The following CREB3L1 variants were observed in gnomAD, a reference collection of about 807,000 sequenced individuals.
CREB3L1 encodes the protein cAMP responsive element binding protein 3 like 1, also known as cyclic AMP-responsive element-binding protein 3-like protein 1.
In CREB3L1, 33 loss-of-function variants were observed where a neutral mutation model predicts 54.5. The observed-to-expected ratio is 0.61, with a 90% CI of 0.46 to 0.81. The LOEUF (loss-of-function observed/expected upper bound fraction) is 0.81. CREB3L1 is among the 30% of genes least tolerant of loss of function. CREB3L1 has a pLI of 0.00. For synonymous variants in CREB3L1, 284 were observed against 286.4 expected (o/e 0.99, Z 0.08); for missense variants, 656 against 673.3 (o/e 0.97, Z 0.29).
intron 1 of CREB3L1, among the ~76,000 whole-genome samples, chr11:46,297,301 C>T (rs990000656): frequency 6.6e-6 from 1 of 152,344 alleles, no homozygotes; most frequent in African/African-American, 2.4e-5. Context: ...ACTCATTCAG[C>T]TCTGACCTCC....
At chr11:46,301,767 T>C (rs1473577910) in intron 2 of CREB3L1, among the ~76,000 whole-genome samples, 1 of 151,940 alleles carries the variant, frequency 6.6e-6, no homozygotes, top group Non-Finnish European at 1.5e-5. Flanking sequence ...AAGACCAGCC[T>C]GGTCAACATG....
At chr11:46,294,127 A>AT (rs1939169896) in intron 1 of CREB3L1, among the ~76,000 whole-genome samples, 5 of 152,184 alleles carry the variant, frequency 3.3e-5, no homozygotes, top group Admixed American at 2.6e-4. Context: ...GCATGTGCAC[A>AT]TGCATGCGTG....
chr11:46,320,667 G>T (rs749206322), intron 11 of CREB3L1, 43 bp from the exon 12 acceptor site: 1 of 1,597,102 alleles, frequency 6.3e-7, no homozygotes. Context: ...GGGTAAGAGG[G>T]TTCCTGCTGG....
At chr11:46,318,884 T>C (rs1001844907) in intron 10 of CREB3L1, among the ~76,000 whole-genome samples, 1 of 151,696 alleles carries the variant, frequency 6.6e-6, no homozygotes, top group Non-Finnish European at 1.5e-5. Context: ...GAAGCTGGTG[T>C]GGGGAGGGTT....
intron 1 of CREB3L1, among the ~76,000 whole-genome samples, chr11:46,288,572 G>A (rs1344274240): frequency 6.6e-6 from 1 of 152,190 alleles, no homozygotes; most frequent in African/African-American, 2.4e-5. Flanking sequence ...ACTCTCTGGA[G>A]ATGGAAGGCT....
At chr11:46,293,357 G>A (rs1939158321) in intron 1 of CREB3L1, among the ~76,000 whole-genome samples, 1 of 152,218 alleles carries the variant, frequency 6.6e-6, no homozygotes, top group African/African-American at 2.4e-5. Context: ...ACAGTGCCTG[G>A]TGCCCACCCC....
chr11:46,313,641 G>A (rs1471222720), intron 8 of CREB3L1, among the ~76,000 whole-genome samples: 1 of 151,972 alleles, frequency 6.6e-6, no homozygotes, highest in Non-Finnish European at 1.5e-5. Context: ...AGCTGACACT[G>A]TGCCACTGCA....
In CREB3L1 at chr11:46,278,271, C is replaced by A; in HGVS notation, c.102+58C>A. 2.5e-6 allele frequency: 3 copies of A among 1,201,682 alleles called. No homozygotes were observed. Among genetic ancestry groups the A allele is most frequent in the Admixed American group, 2.1e-5 (1 of 46,522 alleles). The allele number at this position is 1,201,682 out of a possible 1,614,324, so 74.4% of individuals were successfully genotyped here. Reference sequence around the variant, plus strand: ...CCTCGGCACCCGTCCTCGCGGCGCGCCTGGGCCCCTAGAAGGACCCGACTA... The same window carrying A: ...CCTCGGCACCCGTCCTCGCGGCGCGACTGGGCCCCTAGAAGGACCCGACTA... On this transcript the variant is annotated intron_variant, in intron 1 of 11. Transcript: ENST00000621158. This position sits in a 1 kb window ranked among gnomAD's most constrained non-coding sequence, Gnocchi z 4.2.
At chr11:46,306,664 T>C (rs1418176373) in intron 2 of CREB3L1, among the ~76,000 whole-genome samples, 1 of 152,162 alleles carries the variant, frequency 6.6e-6, no homozygotes, top group African/African-American at 2.4e-5. Context: ...GCATTCCAAC[T>C]ATGCTAAACT....
At chr11:46,298,469 G>A (rs1043659638) in intron 1 of CREB3L1, among the ~76,000 whole-genome samples, 18 of 152,254 alleles carry the variant, frequency 1.2e-4, no homozygotes, top group Middle Eastern at 3.4e-3. Context: ...AGGCCGAGGC[G>A]GGCAGATCAC....
intron 8 of CREB3L1, among the ~76,000 whole-genome samples, chr11:46,313,929 G>A (rs1005212735): frequency 7.9e-5 from 12 of 152,094 alleles, no homozygotes; most frequent in Non-Finnish European, 1.6e-4. Flanking sequence ...CGTCTAAATG[G>A]GGATGATAGA....
intron 8 of CREB3L1, chr11:46,315,309 G>T (rs1438733107): frequency 9.3e-6 from 2 of 215,928 alleles, no homozygotes; most frequent in Admixed American, 5.9e-5. Flanking sequence ...TAGTTATTTC[G>T]CCACCTGCTG....
At chr11:46,310,652 C>CA (rs1218429806) in intron 4 of CREB3L1, among the ~76,000 whole-genome samples, 6 of 152,038 alleles carry the variant, frequency 3.9e-5, no homozygotes, top group Non-Finnish European at 7.4e-5. Context: ...AGGCCCCAGT[C>CA]ACCTTCTGGG....
chr11:46,298,314 G>A (rs550435021), intron 1 of CREB3L1, among the ~76,000 whole-genome samples: 1 of 152,316 alleles, frequency 6.6e-6, no homozygotes, highest in Admixed American at 6.5e-5. Context: ...TCAGCAGGCA[G>A]GGCTTCAGGA....
intron 2 of CREB3L1, among the ~76,000 whole-genome samples, chr11:46,303,774 G>A (rs542706974): frequency 6.6e-6 from 1 of 152,266 alleles, no homozygotes; most frequent in East Asian, 1.9e-4. Flanking sequence ...GCCGAGGCAG[G>A]AGGATTGCTT....
At chr11:46,283,586 A>T (rs535948104) in intron 1 of CREB3L1, among the ~76,000 whole-genome samples, 2 of 152,232 alleles carry the variant, frequency 1.3e-5, no homozygotes, top group South Asian at 2.1e-4. Flanking sequence ...AAATTGTTTT[A>T]AAAAAATCCC....
At chr11:46,319,528 A>G (rs1246567048) in intron 10 of CREB3L1, among the ~76,000 whole-genome samples, 2 of 152,178 alleles carry the variant, frequency 1.3e-5, no homozygotes, top group Non-Finnish European at 2.9e-5. Context: ...CCTTCTCTGA[A>G]GGGCAAATTA....
chr11:46,302,194 A>G (rs1202710402), intron 2 of CREB3L1, among the ~76,000 whole-genome samples: 1 of 147,832 alleles, frequency 6.8e-6, no homozygotes, highest in East Asian at 2.0e-4. Context: ...AATAATAATA[A>G]TAATAATAAT....
intron 2 of CREB3L1, among the ~76,000 whole-genome samples, chr11:46,307,161 A>T (rs1939409355): frequency 6.6e-6 from 1 of 152,012 alleles, no homozygotes; most frequent in East Asian, 1.9e-4. Flanking sequence ...TACAGGCATG[A>T]GCCACTGCAC....
Sources: allele counts gnomAD v4.1 joint callset (sites outside exome capture counted in the v4.1 genomes callset), GRCh38; gene constraint gnomAD v4.1.1; non-coding constraint Gnocchi (gnomAD v3.1); transcripts MANE v1.5; gene names NCBI Gene and HGNC (gene_info 2026-07-23, HGNC 2026-07-21).